The following PAX3 variants were observed in gnomAD, a reference collection of about 807,000 sequenced individuals.
PAX3 encodes paired box protein Pax-3.
A neutral mutation model predicts 51.6 loss-of-function variants in PAX3; 14 were observed. The ratio of observed to expected loss-of-function variants is 0.27; its 90% CI spans 0.18 to 0.42. PAX3 has a LOEUF of 0.42. Ranked by LOEUF, PAX3 falls within the 10% of genes least tolerant of loss-of-function variation. The pLI is 1.00. For missense variants in PAX3, 540 were observed against 642.8 expected, an observed-to-expected ratio of 0.84 and a Z score of 1.73; for synonymous variants, 280 against 253.4, an observed-to-expected ratio of 1.11 and a Z score of -1.00.
intron 4 of PAX3, among the ~76,000 whole-genome samples, chr2:222,269,070 G>T (rs777525925): frequency 1.6e-4 from 24 of 152,170 alleles, no homozygotes; most frequent in Non-Finnish European, 3.1e-4. Flanking sequence ...GAGGAGCCTT[G>T]GTAAGCCTAA....
chr2:222,289,378 T>C (rs1694947132), intron 4 of PAX3, among the ~76,000 whole-genome samples: 1 of 152,216 alleles, frequency 6.6e-6, no homozygotes, highest in Non-Finnish European at 1.5e-5. Flanking sequence ...TCATGGATGC[T>C]GAAGCCATTC....
chr2:222,272,916 A>G (rs1380833088), intron 4 of PAX3, among the ~76,000 whole-genome samples: 3 of 152,122 alleles, frequency 2.0e-5, no homozygotes, highest in South Asian at 2.1e-4. Flanking sequence ...GGCTTATTCA[A>G]TTACCCTTGC....
intron 4 of PAX3, among the ~76,000 whole-genome samples, chr2:222,275,534 C>T (rs1225512304): frequency 6.6e-6 from 1 of 151,846 alleles, no homozygotes; most frequent in African/African-American, 2.4e-5. Context: ...TTGAATGAAT[C>T]ATTGTCTACC....
intron 4 of PAX3, among the ~76,000 whole-genome samples, chr2:222,276,920 G>A (rs2106167531): frequency 6.6e-6 from 1 of 152,290 alleles, no homozygotes; most frequent in South Asian, 2.1e-4. Context: ...CCCAGACTTT[G>A]ACTTCTTGAA....
chr2:222,220,446 G>C (rs1034054595), intron 6 of PAX3, 92 bp from the exon 7 acceptor site: 7 of 1,177,968 alleles, frequency 5.9e-6, no homozygotes, highest in Admixed American at 1.8e-5. Flanking sequence ...AGGCCATCAG[G>C]AGCATCTATT....
chr2:222,260,552 GT>G lies in PAX3; in HGVS notation c.587-28270del, dbSNP rs1236832422. ...GAAAAAACTATTTCAAGCAACACAA[GT>G]TTTTTTTTTTTGTTTTTTTTTTTTG... On this transcript the variant is annotated intron_variant, in intron 4 of 8. Transcript: ENST00000392070. Among the ~76,000 whole-genome samples the G allele has an allele frequency of 1.8e-3, 109 of 60,484 alleles. 1 individual carries two copies. The highest frequency in any genetic ancestry group is 5.1e-3 in the African/African-American group (90 of 17,682). 39.7% of individuals were successfully genotyped at this position (60,484 alleles called of 152,430 possible). A position where few individuals can be genotyped will look rare whatever the true frequency, so the allele number is the denominator to read the frequency against.
At chr2:222,276,543 G>A (rs2106166923) in intron 4 of PAX3, among the ~76,000 whole-genome samples, 1 of 152,294 alleles carries the variant, frequency 6.6e-6, no homozygotes, top group Non-Finnish European at 1.5e-5. Context: ...CTGAGAGGTG[G>A]ATGGGGCCAC....
At position 222,272,005 on chromosome 2, in the gene PAX3, G is replaced by A. The variant is rs45524645; in HGVS notation, c.586+22162C>T. 3.4e-3 allele frequency among the ~76,000 whole-genome samples: 524 copies of A among 152,248 alleles called. 3 individuals are homozygous for A. Among genetic ancestry groups the A allele is most frequent in the African/African-American group, 0.011 (474 of 41,540 alleles). ...ATGCCTGCTGGACCTCTCTCCTGAA[G>A]GTTTCACTTTCTTCGCGTCACCAAG... On this transcript the variant is annotated intron_variant, in intron 4 of 8. Transcript: ENST00000392070.
At chr2:222,294,758 G>GCCCCCCCCCCCCCCCCCCCC (rs368069047) in intron 3 of PAX3, among the ~76,000 whole-genome samples, 2 of 87,104 alleles carry the variant, frequency 2.3e-5, no homozygotes, top group South Asian at 5.0e-4. Flanking sequence ...ACTTGTCCGC[G>GCCCCCCCCCCCCCCCCCCCC]CCCCCCCCCA....
intron 4 of PAX3, among the ~76,000 whole-genome samples, chr2:222,277,764 T>C (rs1309050421): frequency 1.3e-5 from 2 of 151,806 alleles, no homozygotes; most frequent in Non-Finnish European, 2.9e-5. Context: ...TGAAACCCCG[T>C]CTCTACCAAA....
intron 7 of PAX3, among the ~76,000 whole-genome samples, chr2:222,211,587 T>C (rs1208617159): frequency 2.6e-5 from 4 of 151,940 alleles, no homozygotes. Context: ...CAGACATTAA[T>C]TAGAAAAAAA....
At chr2:222,296,235 TAGAA>T (rs1279222369) in intron 2 of PAX3, among the ~76,000 whole-genome samples, 1 of 152,224 alleles carries the variant, frequency 6.6e-6, no homozygotes, top group African/African-American at 2.4e-5. Flanking sequence ...CAAAGATTCT[TAGAA>T]AGGCTGTGAA....
intron 2 of PAX3, 108 bp downstream of exon 2, chr2:222,296,870 A>T: frequency 1.1e-6 from 1 of 937,360 alleles, no homozygotes; most frequent in South Asian, 1.4e-5. Flanking sequence ...AAACCTCAGA[A>T]ATAACTCATT....
intron 4 of PAX3, among the ~76,000 whole-genome samples, chr2:222,282,716 C>T (rs1450891973): frequency 2.0e-5 from 3 of 151,922 alleles, no homozygotes; most frequent in African/African-American, 4.8e-5. Flanking sequence ...TACTTTTGAT[C>T]GTGCCAAACT....
intron 4 of PAX3, among the ~76,000 whole-genome samples, chr2:222,291,712 TC>T (rs908671255): frequency 6.6e-6 from 1 of 152,098 alleles, no homozygotes; most frequent in South Asian, 2.1e-4. Flanking sequence ...AGCTTTCTTC[TC>T]CCCCTCTGCC....
At position 222,298,911 on chromosome 2, in the gene PAX3, G is replaced by C. The variant is rs527930538; in HGVS notation, c.-296C>G. 31 of 519,376 alleles carry C rather than the reference G, an allele frequency of 6.0e-5. No individual in the cohort carries two copies. In the South Asian group the frequency reaches 6.7e-4, roughly 11 times the overall value. 32.2% of individuals were successfully genotyped at this position (519,376 alleles called of 1,614,324 possible). ...TCCAGCGACTGGGGTCCCTGAAAAGGGGGCTCAGAGAGCCACGGCGAGCCG... is the reference window on the plus strand; with the variant it reads ...TCCAGCGACTGGGGTCCCTGAAAAGCGGGCTCAGAGAGCCACGGCGAGCCG... On this transcript the variant is annotated 5_prime_UTR_variant, in exon 1 of 9. Coordinates refer to ENST00000392070, the MANE Select transcript of PAX3 (RefSeq NM_181458.4).
chr2:222,292,652 G>T (rs1456162824), intron 4 of PAX3, among the ~76,000 whole-genome samples: 1 of 152,202 alleles, frequency 6.6e-6, no homozygotes, highest in Non-Finnish European at 1.5e-5. Context: ...GTTTGGGGTT[G>T]TCTGACTCCC....
intron 7 of PAX3, among the ~76,000 whole-genome samples, chr2:222,215,164 G>A (rs959482473): frequency 6.6e-6 from 1 of 151,956 alleles, no homozygotes; most frequent in Non-Finnish European, 1.5e-5. Context: ...GATATCAAAC[G>A]GCTTCATAGG....
chr2:222,216,729 G>A (rs74817276), intron 7 of PAX3, among the ~76,000 whole-genome samples: 3 of 141,196 alleles, frequency 2.1e-5, no homozygotes, highest in South Asian at 4.8e-4. Context: ...CACACACAGA[G>A]AGAGAGAGAG....
Sources: allele counts gnomAD v4.1 joint callset (sites outside exome capture counted in the v4.1 genomes callset), GRCh38; gene constraint gnomAD v4.1.1; transcripts MANE v1.5; gene names NCBI Gene and HGNC (gene_info 2026-07-23, HGNC 2026-07-21).